The following RALGAPA2 variants were observed in gnomAD, a reference collection of about 807,000 sequenced individuals.
The protein encoded by RALGAPA2 is ral GTPase-activating protein subunit alpha-2.
A neutral mutation model predicts 230.4 loss-of-function variants in RALGAPA2; 139 were observed. The observed-to-expected ratio is 0.60, with a 90% CI of 0.53 to 0.69. The LOEUF (loss-of-function observed/expected upper bound fraction) is 0.69, where lower values mean the gene tolerates loss of function less well. RALGAPA2 is among the 30% of genes least tolerant of loss of function. The probability of loss-of-function intolerance (pLI) is 0.00; values close to 1 mark genes in which losing one functional copy is unlikely to be tolerated. For missense variants in RALGAPA2, 2,163 were observed against 2,276.0 expected (o/e 0.95, Z 1.01); for synonymous variants, 847 against 837.8 (o/e 1.01, Z -0.19).
At chr20:20,411,340 C>T (rs187179373) in intron 38 of RALGAPA2, among the ~76,000 whole-genome samples, 2 of 152,044 alleles carry the variant, frequency 1.3e-5, no homozygotes, top group African/African-American at 4.8e-5. Flanking sequence ...GTTTAAGTGG[C>T]AATACATGTA....
At chr20:20,520,565 G>T (rs1404366875) in intron 31 of RALGAPA2, among the ~76,000 whole-genome samples, 1 of 152,120 alleles carries the variant, frequency 6.6e-6, no homozygotes, top group Non-Finnish European at 1.5e-5. Flanking sequence ...CCTTCTTCAT[G>T]GAAAGCCCTC....
chr20:20,516,914 C>T (rs1569457836), intron 31 of RALGAPA2, among the ~76,000 whole-genome samples: 1 of 152,152 alleles, frequency 6.6e-6, no homozygotes, highest in South Asian at 2.1e-4. Flanking sequence ...ATCTTTCTGC[C>T]GGTTGGAAGT....
intron 3 of RALGAPA2, among the ~76,000 whole-genome samples, chr20:20,673,555 T>C (rs2068213758): frequency 6.6e-6 from 1 of 151,888 alleles, no homozygotes; most frequent in South Asian, 2.1e-4. Context: ...GAAAAATATA[T>C]AACTTACCAA....
intron 36 of RALGAPA2, among the ~76,000 whole-genome samples, chr20:20,474,869 AGAT>A (rs1471506622): frequency 2.6e-5 from 4 of 152,198 alleles, no homozygotes; most frequent in Non-Finnish European, 5.9e-5. Flanking sequence ...GTTCACTTAG[AGAT>A]GATGTTTCTA....
intron 38 of RALGAPA2, among the ~76,000 whole-genome samples, chr20:20,400,575 G>T (rs1341059781): frequency 6.6e-6 from 1 of 151,958 alleles, no homozygotes; most frequent in Non-Finnish European, 1.5e-5. Context: ...TTAATATCTT[G>T]GTGTCAACTT....
chr20:20,586,102 T>C (rs1034787892), intron 18 of RALGAPA2, among the ~76,000 whole-genome samples: 1 of 152,190 alleles, frequency 6.6e-6, no homozygotes. Context: ...AAAAACAGAA[T>C]GTAGACTCTT....
At chr20:20,439,925 C>T (rs576737355) in intron 37 of RALGAPA2, among the ~76,000 whole-genome samples, 3 of 152,288 alleles carry the variant, frequency 2.0e-5, no homozygotes, top group African/African-American at 4.8e-5. Context: ...TAAGAGAAAG[C>T]GATTTTGTTC....
At chr20:20,635,155 G>A (rs758760209) in intron 9 of RALGAPA2, among the ~76,000 whole-genome samples, 1 of 152,166 alleles carries the variant, frequency 6.6e-6, no homozygotes, top group Non-Finnish European at 1.5e-5. Context: ...GAGGAGCCAG[G>A]AGTGTGCACA....
At chr20:20,650,963 G>A (rs2067377479) in intron 4 of RALGAPA2, among the ~76,000 whole-genome samples, 1 of 152,224 alleles carries the variant, frequency 6.6e-6, no homozygotes, top group Non-Finnish European at 1.5e-5. Context: ...TTAGTGGACA[G>A]AACCTAATCT....
intron 33 of RALGAPA2, among the ~76,000 whole-genome samples, chr20:20,510,322 A>C (rs893053941): frequency 6.6e-6 from 1 of 152,220 alleles, no homozygotes; most frequent in Admixed American, 6.5e-5. Flanking sequence ...CTTCCTTCTT[A>C]CTTCTCAGCC....
rs2059584005 is a variant in RALGAPA2 at position 20,390,338 on chromosome 20, A to G, written c.*2951T>C. ...GCAGACTTTGTTGCTGAGGCAACCCAGGCTAAATTTCTTCACTTCTGTCTG... is the reference window on the plus strand; with the variant it reads ...GCAGACTTTGTTGCTGAGGCAACCCGGGCTAAATTTCTTCACTTCTGTCTG... On this transcript the variant is annotated 3_prime_UTR_variant, in exon 40 of 40. Transcript: ENST00000202677. 6.6e-6 allele frequency: 1 copy of G among 152,240 alleles called. No individual in the cohort carries two copies. The highest frequency in any genetic ancestry group is 1.5e-5 in the Non-Finnish European group (1 of 68,034). 9.4% of individuals were successfully genotyped at this position (152,240 alleles called of 1,614,324 possible).
chr20:20,656,507 G>T (rs528858887), intron 3 of RALGAPA2, among the ~76,000 whole-genome samples: 27 of 152,064 alleles, frequency 1.8e-4, no homozygotes, highest in Non-Finnish European at 2.6e-4. Flanking sequence ...TTGTACAGAA[G>T]TAAACTGGCT....
At chr20:20,400,610 T>G (rs1053877901) in intron 38 of RALGAPA2, among the ~76,000 whole-genome samples, 1 of 152,204 alleles carries the variant, frequency 6.6e-6, no homozygotes, top group Non-Finnish European at 1.5e-5. Flanking sequence ...CATAAAGAAA[T>G]GTTTCCAGAC....
intron 38 of RALGAPA2, among the ~76,000 whole-genome samples, chr20:20,410,798 C>A (rs776064924): frequency 5.9e-5 from 9 of 152,168 alleles, no homozygotes; most frequent in Non-Finnish European, 1.2e-4. Context: ...TCAATAGAGG[C>A]CATCCCAGTG....
chr20:20,695,387 G>A (rs1394395804), intron 1 of RALGAPA2, among the ~76,000 whole-genome samples: 1 of 152,172 alleles, frequency 6.6e-6, no homozygotes, highest in Non-Finnish European at 1.5e-5. Context: ...TCAGCAGCTA[G>A]CACTGAGTAG....
At chr20:20,660,304 T>A (rs1237415639) in intron 3 of RALGAPA2, among the ~76,000 whole-genome samples, 1 of 152,146 alleles carries the variant, frequency 6.6e-6, no homozygotes, top group African/African-American at 2.4e-5. Context: ...AATGGAGCCC[T>A]GACAGTTCAC....
In RALGAPA2 at chr20:20,620,545, A is replaced by G; in HGVS notation, c.1319T>C (p.Val440Ala). 1 of 1,613,984 alleles carries G rather than the reference A, an allele frequency of 6.2e-7. No homozygotes were observed. The highest frequency in any genetic ancestry group is 1.3e-5 in the African/African-American group (1 of 75,056). ...YRKWILQDKPVFMEEPDRKDV... is the reference protein window; with the variant it reads ...YRKWILQDKPAFMEEPDRKDV... ...TTTTCTATCTGGCTCCTCCATGAAC[A>G]CAGGTTTGTCCTGGAGAATCCACTT... Residue 440 changes from valine to alanine, a missense_variant, in exon 11 of 40, where the codon GTG (valine) becomes GCG (alanine). Physicochemically the swap from Val to Ala is moderately conservative, Grantham distance 64. Coordinates refer to ENST00000202677, the MANE Select transcript of RALGAPA2 (RefSeq NM_020343.4).
At chr20:20,642,371 C>T (rs1207231515) in intron 5 of RALGAPA2, among the ~76,000 whole-genome samples, 3 of 151,822 alleles carry the variant, frequency 2.0e-5, no homozygotes, top group South Asian at 2.1e-4. Context: ...CCACCATGCC[C>T]GGCTAATTTT....
chr20:20,407,853 G>A (rs1281389828), intron 38 of RALGAPA2, among the ~76,000 whole-genome samples: 1 of 152,214 alleles, frequency 6.6e-6, no homozygotes, highest in African/African-American at 2.4e-5. Context: ...AGCAGGAATG[G>A]CAGTGGCATC....
Sources: allele counts gnomAD v4.1 joint callset (sites outside exome capture counted in the v4.1 genomes callset), GRCh38; gene constraint gnomAD v4.1.1; transcripts MANE v1.5; gene names NCBI Gene and HGNC (gene_info 2026-07-23, HGNC 2026-07-21).